Variants in PSMD11 observed in about 807,000 individuals in gnomAD.
PSMD11 encodes proteasome 26S subunit, non-ATPase 11.
A neutral mutation model predicts 62.3 loss-of-function variants in PSMD11; 5 were observed. The ratio of observed to expected loss-of-function variants is 0.08; its 90% CI spans 0.04 to 0.17. The LOEUF (loss-of-function observed/expected upper bound fraction) is 0.17. Among genes scored for constraint, PSMD11 ranks in the 10% least tolerant of loss-of-function variants. The pLI is 1.00. For missense variants in PSMD11, 310 were observed against 512.9 expected (o/e 0.60, Z 3.82); for synonymous variants, 191 against 191.8 (o/e 1.00, Z 0.03).
At chr17:32,455,002 C>T (rs1907609370) in intron 3 of PSMD11, 1 of 180,378 alleles carries the variant, frequency 5.5e-6, no homozygotes, top group Non-Finnish European at 1.2e-5. Context: ...TTTTGTACTG[C>T]ATATATGCCT....
At chr17:32,455,863 T>G (rs1907634635) in intron 3 of PSMD11, among the ~76,000 whole-genome samples, 1 of 152,078 alleles carries the variant, frequency 6.6e-6, no homozygotes, top group African/African-American at 2.4e-5. Context: ...AACTCATGAG[T>G]CCGGGTGCGG....
At chr17:32,444,744 G>A (rs1907273258) in intron 1 of PSMD11, 130 bp downstream of exon 1, 1 of 1,156,612 alleles carries the variant, frequency 8.6e-7, no homozygotes, top group Non-Finnish European at 1.2e-6. Flanking sequence ...GGGCCGGGCC[G>A]GGGGCGCAGG....
At chr17:32,474,903 C>T in intron 8 of PSMD11, 79 bp downstream of exon 8, 1 of 1,260,794 alleles carries the variant, frequency 7.9e-7, no homozygotes, top group Non-Finnish European at 1.2e-6. Flanking sequence ...ATGAGACCAG[C>T]ACTCTTCAGA....
rs754639481 is a variant in PSMD11 at position 32,480,554 on chromosome 17, G to A, written c.1192G>A (p.Glu398Lys). 3 of 1,614,090 alleles carry A rather than the reference G, an allele frequency of 1.9e-6. No homozygotes were observed. Among genetic ancestry groups the A allele is most frequent in the Non-Finnish European group, 1.7e-6 (2 of 1,179,958 alleles). ...TGAACCCCCAGTAGATAAAACTTAC[G>A]AAGCTGCTCTGGAAACAATTCAGAA... is the stretch of plus-strand genomic sequence containing the variant. ...FDEPPVDKTY[E>K]AALETIQNMS... is the part of the protein sequence containing the mutation. Residue 398 changes from glutamate to lysine, a missense_variant, in exon 13 of 14, where the codon GAA (glutamate) becomes AAA (lysine). Coordinates refer to ENST00000261712, the MANE Select transcript of PSMD11 (RefSeq NM_002815.4).
At chr17:32,447,803 A>G (rs1045831072) in intron 2 of PSMD11, among the ~76,000 whole-genome samples, 4 of 152,084 alleles carry the variant, frequency 2.6e-5, no homozygotes, top group Non-Finnish European at 4.4e-5. Context: ...TTTTCCCTAA[A>G]ATTATGTTGT....
chr17:32,446,355 C>T (rs1397809776), intron 1 of PSMD11, among the ~76,000 whole-genome samples: 2 of 152,186 alleles, frequency 1.3e-5, no homozygotes, highest in Admixed American at 1.3e-4. Context: ...TAAAAAGCAG[C>T]AGTCTCCCCT....
intron 5 of PSMD11, among the ~76,000 whole-genome samples, chr17:32,467,759 G>C (rs1370447201): frequency 5.3e-5 from 8 of 152,190 alleles, no homozygotes; most frequent in Non-Finnish European, 7.4e-5. Flanking sequence ...CTATAGGCGT[G>C]TGCCACCACA....
rs905457118 is a variant in PSMD11 at position 32,483,270 on chromosome 17, G to A, written c.*2518G>A. Reference sequence around the variant, plus strand: ...ATGTCAATAACTTTTTTATATATGTGTTGAAATATTTTGGGTATTGGGTTA... The same window carrying A: ...ATGTCAATAACTTTTTTATATATGTATTGAAATATTTTGGGTATTGGGTTA... On this transcript the variant is annotated 3_prime_UTR_variant, in exon 14 of 14. Coordinates refer to ENST00000261712, the MANE Select transcript of PSMD11 (RefSeq NM_002815.4). 1 of 152,222 alleles carries A rather than the reference G, an allele frequency of 6.6e-6. No homozygotes were observed. The highest frequency in any genetic ancestry group is 1.5e-5 in the Non-Finnish European group (1 of 68,026). 9.4% of individuals were successfully genotyped at this position (152,222 alleles called of 1,614,324 possible).
chr17:32,461,087 C>CT (rs1473500886), intron 3 of PSMD11, among the ~76,000 whole-genome samples: 2 of 151,884 alleles, frequency 1.3e-5, no homozygotes, highest in East Asian at 2.0e-4. Flanking sequence ...AGCACTTTTT[C>CT]TTTTTTTTGA....
At chr17:32,456,888 A>G (rs1907668392) in intron 3 of PSMD11, among the ~76,000 whole-genome samples, 1 of 151,344 alleles carries the variant, frequency 6.6e-6, no homozygotes, top group Non-Finnish European at 1.5e-5. Flanking sequence ...GCTGGTTTTG[A>G]ACTCCTGACC....
chr17:32,445,727 A>T lies in PSMD11; in HGVS notation c.91+1113A>T, dbSNP rs896817697. On this transcript the variant is annotated intron_variant, in intron 1 of 13. Transcript: ENST00000261712. Reference sequence around the variant, plus strand: ...TATGTGGGACTTGCAAGATGTTGGCATTTGACTTAGTGTGTTGAATTTTGG... The same window carrying T: ...TATGTGGGACTTGCAAGATGTTGGCTTTTGACTTAGTGTGTTGAATTTTGG... 5.3e-5 allele frequency: 8 copies of T among 152,246 alleles called. No homozygotes were observed. The East Asian group carries it at 5.8e-4, about 11-fold the overall frequency. The allele number at this position is 152,246 out of a possible 1,614,324, so 9.4% of individuals were successfully genotyped here. A position where few individuals can be genotyped will look rare whatever the true frequency, so the allele number is the denominator to read the frequency against.
At chr17:32,451,627 C>T (rs1246942504) in intron 2 of PSMD11, among the ~76,000 whole-genome samples, 1 of 152,160 alleles carries the variant, frequency 6.6e-6, no homozygotes, top group African/African-American at 2.4e-5. Flanking sequence ...ACATGGTCAT[C>T]AGTGGTAGAG....
At chr17:32,451,930 A>T (rs1439591098) in intron 2 of PSMD11, among the ~76,000 whole-genome samples, 1 of 152,022 alleles carries the variant, frequency 6.6e-6, no homozygotes, top group Non-Finnish European at 1.5e-5. Flanking sequence ...GGGTTTCGCC[A>T]TATTGCCCAG....
At chr17:32,464,210 A>C (rs899562844) in intron 4 of PSMD11, 90 bp downstream of exon 4, 7 of 1,225,976 alleles carry the variant, frequency 5.7e-6, no homozygotes, top group Non-Finnish European at 7.2e-6. Flanking sequence ...AAGTATCTTC[A>C]GCAACTTTGT....
chr17:32,459,741 C>A (rs1316805033), intron 3 of PSMD11, among the ~76,000 whole-genome samples: 2 of 152,132 alleles, frequency 1.3e-5, no homozygotes, highest in Non-Finnish European at 2.9e-5. Context: ...TCTTGGCTCA[C>A]TACAACTTCT....
intron 2 of PSMD11, 49 bp from the exon 3 acceptor site, chr17:32,454,446 G>C (rs201020248): frequency 3.0e-5 from 48 of 1,600,142 alleles, no homozygotes; most frequent in Non-Finnish European, 4.1e-5. Flanking sequence ...TGGGTATTTT[G>C]TCTCAAATGT....
intron 6 of PSMD11, among the ~76,000 whole-genome samples, chr17:32,469,763 G>A (rs1221003756): frequency 6.6e-6 from 1 of 151,986 alleles, no homozygotes; most frequent in Non-Finnish European, 1.5e-5. Flanking sequence ...AGCAGAAGAC[G>A]AGTTTAAGTG....
At position 32,469,149 on chromosome 17, in the gene PSMD11, T is replaced by C; in HGVS notation, c.599T>C (p.Ile200Thr). The C allele has an allele frequency of 6.2e-7, 1 of 1,614,098 alleles. No homozygotes were observed. The highest frequency in any genetic ancestry group is 1.3e-5 in the African/African-American group (1 of 75,028). ...TCTGCTCGAACCACAGCAAATGCCA[T>C]CTACTGCCCCCCTAAATTGCAGGCC... ...LTSARTTANA[I>T]YCPPKLQATL... The change falls in exon 6 of 14, where the codon ATC becomes ACC. Residue 200 changes from isoleucine (I) to threonine (T), a missense_variant. Transcript: ENST00000261712.
rs774463552 is a variant in PSMD11, at chr17:32,444,547, G to C, written c.24G>C (p.Glu8Asp). 5 of 1,609,296 alleles carry C rather than the reference G, an allele frequency of 3.1e-6. No individual in the cohort carries two copies. The highest frequency in any genetic ancestry group is 4.2e-6 in the Non-Finnish European group (5 of 1,178,286). The change falls in exon 1 of 14, where the codon GAG becomes GAC. Residue 8 changes from glutamate to aspartate, a missense_variant. Around this residue, in one of 6 missense-constraint regions of PSMD11, gnomAD observed 28 missense variants for 21.2 expected, o/e 1.32. Coordinates refer to ENST00000261712, the MANE Select transcript of PSMD11 (RefSeq NM_002815.4). Reference sequence around the variant, plus strand: ...AGATGGCGGCGGCGGCGGTGGTGGAGTTCCAGAGAGCCCAGTCTCTACTCA... The same window carrying C: ...AGATGGCGGCGGCGGCGGTGGTGGACTTCCAGAGAGCCCAGTCTCTACTCA... MAAAAVV[E>D]FQRAQSLLST...
Sources: allele counts gnomAD v4.1 joint callset (sites outside exome capture counted in the v4.1 genomes callset), GRCh38; gene constraint gnomAD v4.1.1; regional missense constraint gnomAD v4.1.1; transcripts MANE v1.5; gene names NCBI Gene and HGNC (gene_info 2026-07-23, HGNC 2026-07-21).